The following C5 variants were observed in gnomAD, a reference collection of about 807,000 sequenced individuals.
C5 encodes C3 and PZP-like alpha-2-macroglobulin domain-containing protein 4.
Under a neutral mutation model 218.8 loss-of-function variants are expected in C5, and 140 were observed. The observed-to-expected ratio is 0.64, with a 90% CI of 0.56 to 0.74. The LOEUF (loss-of-function observed/expected upper bound fraction) is 0.74, where lower values mean the gene tolerates loss of function less well. Ranked by LOEUF, C5 falls within the 30% of genes least tolerant of loss-of-function variation. The probability of loss-of-function intolerance (pLI) is 0.00; values close to 1 mark genes in which losing one functional copy is unlikely to be tolerated. For missense variants in C5, 1,700 were observed against 1,969.6 expected (o/e 0.86, Z 2.59); for synonymous variants, 614 against 682.3 (o/e 0.90, Z 1.56).
In C5 at chr9:121,030,533, A is replaced by G. The variant is rs1211778249; in HGVS notation, c.668-46T>C. 2.6e-6 allele frequency: 3 copies of G among 1,141,418 alleles called. No individual in the cohort carries two copies. The East Asian group carries it at 7.7e-5, about 29-fold the overall frequency. 70.7% of individuals were successfully genotyped at this position (1,141,418 alleles called of 1,614,324 possible). On this transcript the variant is annotated intron_variant, in intron 6 of 40. Coordinates refer to ENST00000223642, the MANE Select transcript of C5 (RefSeq NM_001735.3). ...GTAATATTACCATTTTGATTAGAGC[A>G]GACTTTAAAGCCTAGCAAACAGCTA... is the stretch of plus-strand genomic sequence containing the variant.
intron 8 of C5, 50 bp from the exon 9 acceptor site, chr9:121,025,630 G>A (rs2047415351): frequency 1.3e-6 from 2 of 1,571,674 alleles, no homozygotes; most frequent in Admixed American, 3.3e-5. Context: ...GAACTTATAA[G>A]GAAAAATTAA....
At chr9:121,042,853 G>A (rs1279351923) in intron 3 of C5, 151 bp downstream of exon 3, 3 of 532,946 alleles carry the variant, frequency 5.6e-6, no homozygotes, top group African/African-American at 3.8e-5. Flanking sequence ...TTAAATATTT[G>A]TAAGTATAGA....
the C5 span, chr9:121,074,792 C>T: frequency 4.4e-6 from 2 of 454,870 alleles, no homozygotes; most frequent in Non-Finnish European, 8.8e-6. Flanking sequence ...CGCATCCCGT[C>T]GGCCCCGCGC....
rs2047056470 is a variant in C5 at position 120,989,121 on chromosome 9, C to A, written c.3155G>T (p.Gly1052Val). ...KQKLKKKLKE[G>V]MLSIMSYRNA... ...TCTGTAGGACATAATGCTCAACATC[C>A]CTAAGAAGCACAAGAAAAAGAACAC... is the stretch of plus-strand genomic sequence containing the variant. The change falls in exon 25 of 41, where the codon GGG (glycine) becomes GTG (valine). Residue 1052 changes from glycine to valine, a missense_variant and splice_region_variant. Gly to Val is a moderately radical substitution (Grantham distance 109, BLOSUM62 -3). Coordinates refer to ENST00000223642, the MANE Select transcript of C5 (RefSeq NM_001735.3). 1.2e-6 allele frequency: 2 copies of A among 1,612,374 alleles called. No individual in the cohort carries two copies. Among genetic ancestry groups the A allele is most frequent in the Non-Finnish European group, 1.7e-6 (2 of 1,178,436 alleles).
chr9:121,001,232 G>A (rs1271270246), intron 20 of C5, among the ~76,000 whole-genome samples: 1 of 152,102 alleles, frequency 6.6e-6, no homozygotes, highest in Non-Finnish European at 1.5e-5. Context: ...CTATGAAATA[G>A]ATACTATTAT....
intron 10 of C5, 31 bp downstream of exon 10, chr9:121,023,373 G>T: frequency 8.0e-7 from 1 of 1,252,368 alleles, no homozygotes; most frequent in Non-Finnish European, 1.2e-6. Context: ...ATGATCATAT[G>T]TAGCAACGTC....
intron 17 of C5, among the ~76,000 whole-genome samples, chr9:121,010,434 T>C (rs1007170933): frequency 6.6e-6 from 1 of 151,762 alleles, no homozygotes; most frequent in African/African-American, 2.4e-5. Context: ...ACCAAAGAAG[T>C]AAAAGATTTC....
At chr9:121,031,302 T>C (rs1587991614) in intron 6 of C5, among the ~76,000 whole-genome samples, 1 of 152,156 alleles carries the variant, frequency 6.6e-6, no homozygotes, top group Non-Finnish European at 1.5e-5. Context: ...AATAAGAATA[T>C]CTTAAATATT....
chr9:121,035,571 T>A (rs2047517362), intron 4 of C5, among the ~76,000 whole-genome samples: 1 of 152,058 alleles, frequency 6.6e-6, no homozygotes, highest in Non-Finnish European at 1.5e-5. Context: ...CCCCTATCTG[T>A]ACAAAAAACT....
the C5 span, among the ~76,000 whole-genome samples, chr9:121,059,522 T>C: frequency 6.6e-6 from 1 of 152,218 alleles, no homozygotes; most frequent in East Asian, 1.9e-4. This position sits in a 1 kb window ranked among gnomAD's most constrained non-coding sequence, Gnocchi z 4.1. Context: ...AGTTCCTTCA[T>C]CTAATTCTAA....
At chr9:120,953,889 G>A (rs1203397825) in intron 39 of C5, 21 bp from the exon 40 acceptor site, 1 of 1,613,096 alleles carries the variant, frequency 6.2e-7, no homozygotes, top group East Asian at 2.2e-5. Context: ...TGCAAGTCAA[G>A]TAAGGTTATA....
intron 12 of C5, among the ~76,000 whole-genome samples, chr9:121,018,649 A>AAGAAAGAAAGAAAAGAG (rs2047332152): frequency 8.1e-6 from 1 of 123,812 alleles, no homozygotes. Context: ...GAGGGAGGGA[A>AAGAAAGAAAGAAAAGAG]AGAAAGAAAG....
intron 22 of C5, among the ~76,000 whole-genome samples, chr9:120,992,480 G>A (rs2047084084): frequency 6.6e-6 from 1 of 152,148 alleles, no homozygotes; most frequent in Non-Finnish European, 1.5e-5. Flanking sequence ...TAGACAAAGA[G>A]CCTGGCATAC....
At chr9:121,001,272 CAAG>C in intron 20 of C5, among the ~76,000 whole-genome samples, 1 of 152,088 alleles carries the variant, frequency 6.6e-6, no homozygotes, top group East Asian at 1.9e-4. Context: ...GGAAACTAAG[CAAG>C]AAGAAGCTAG....
At chr9:121,063,801 C>T in the C5 span, among the ~76,000 whole-genome samples, 79 of 152,130 alleles carry the variant, frequency 5.2e-4, no homozygotes, top group Admixed American at 2.5e-3. Context: ...TGAAGGTAAC[C>T]CTTTAACCCT....
intron 29 of C5, among the ~76,000 whole-genome samples, chr9:120,976,372 A>G (rs2046953174): frequency 6.6e-6 from 1 of 152,228 alleles, no homozygotes; most frequent in Non-Finnish European, 1.5e-5. Flanking sequence ...TATTTATTAC[A>G]TAGGATATGA....
At chr9:120,972,283 T>C (rs562882523) in intron 30 of C5, among the ~76,000 whole-genome samples, 1 of 152,366 alleles carries the variant, frequency 6.6e-6, no homozygotes, top group East Asian at 1.9e-4. Flanking sequence ...CATATGGCTA[T>C]GGTAAATCTG....
chr9:121,047,227 A>G (rs572519378), intron 1 of C5, among the ~76,000 whole-genome samples: 172 of 152,298 alleles, frequency 1.1e-3, no homozygotes, highest in South Asian at 2.5e-3. Flanking sequence ...CTAAGGTTAT[A>G]CGGTTTGTAA....
chr9:120,980,150 C>A lies in C5; in HGVS notation c.3591G>T (p.Leu1197=), dbSNP rs769923929. Residue 1197 remains leucine, a synonymous_variant, in exon 28 of 41, where the codon CTG becomes CTT. Transcript: ENST00000223642. Reference sequence around the variant, plus strand: ...GAAACTGTGGGTGAGTTTTATCTCCCAGGGAAAGAGCATACGCAGAAATGG... The same window carrying A: ...GAAACTGTGGGTGAGTTTTATCTCCAAGGGAAAGAGCATACGCAGAAATGG... ...TLAISAYALS[L]GDKTHPQFRS... is the part of the protein sequence containing the mutation. The A allele has an allele frequency of 6.2e-7, 1 of 1,614,060 alleles. No individual in the cohort carries two copies. The highest frequency in any genetic ancestry group is 2.2e-5 in the East Asian group (1 of 44,872).
Sources: gnomAD v4.1 joint callset for allele counts (sites outside exome capture counted in the v4.1 genomes callset) on GRCh38, gnomAD v4.1.1 for gene constraint, Gnocchi (gnomAD v3.1) non-coding constraint, MANE v1.5 for transcripts, NCBI Gene and HGNC (gene_info 2026-07-23, HGNC 2026-07-21) for gene names.